Variants in LRRC3B observed in about 807,000 individuals in gnomAD.
The protein encoded by LRRC3B is leucine rich repeat containing 3B.
A neutral mutation model predicts 12.8 loss-of-function variants in LRRC3B; 2 were observed. The ratio of observed to expected loss-of-function variants is 0.16; its 90% CI spans 0.06 to 0.49. The LOEUF (loss-of-function observed/expected upper bound fraction) is 0.49. Ranked by LOEUF, LRRC3B falls within the 20% of genes least tolerant of loss-of-function variation. LRRC3B has a pLI of 0.96. For missense variants in LRRC3B, 189 were observed against 319.4 expected, an observed-to-expected ratio of 0.59 and a Z score of 3.11; for synonymous variants, 132 against 122.0, an observed-to-expected ratio of 1.08 and a Z score of -0.54.
intron 1 of LRRC3B, among the ~76,000 whole-genome samples, chr3:26,686,236 C>T (rs991447506): frequency 1.7e-4 from 26 of 152,170 alleles, no homozygotes; most frequent in Middle Eastern, 3.4e-3. Flanking sequence ...CCCGCCACCA[C>T]GCCCGGCTAA....
At chr3:26,672,863 C>T (rs977625230) in intron 1 of LRRC3B, among the ~76,000 whole-genome samples, 1 of 152,194 alleles carries the variant, frequency 6.6e-6, no homozygotes, top group Non-Finnish European at 1.5e-5. Flanking sequence ...TGTTTAAGAG[C>T]CACTTTTTTG....
rs140503723 is a variant in LRRC3B, at chr3:26,642,368, C to T, written c.-161+19131C>T. Among the ~76,000 whole-genome samples, 350 of 152,226 alleles carry T rather than the reference C, an allele frequency of 2.3e-3. 2 individuals are homozygous for T. The highest frequency in any genetic ancestry group is 6.8e-3 in the Middle Eastern group (2 of 294). The stretch of plus-strand genomic sequence containing the variant: ...ATGGCTCTACCAGCAAGTGGGGATA[C>T]CAGCAGACCTTGTAATAGCTTAGGG... On this transcript the variant is annotated intron_variant, in intron 1 of 1. Coordinates refer to ENST00000396641, the Ensembl canonical transcript of LRRC3B.
intron 1 of LRRC3B, among the ~76,000 whole-genome samples, chr3:26,699,416 A>C (rs141126851): frequency 9.9e-4 from 151 of 152,224 alleles, no homozygotes; most frequent in African/African-American, 3.4e-3. Context: ...AAGGGATGGA[A>C]GTATGTGTGT....
At chr3:26,689,219 A>G (rs1488581260) in intron 1 of LRRC3B, among the ~76,000 whole-genome samples, 2 of 152,204 alleles carry the variant, frequency 1.3e-5, no homozygotes, top group African/African-American at 4.8e-5. Flanking sequence ...AAATGCTGGT[A>G]CATTTAAAGT....
At chr3:26,649,327 G>T (rs189746641) in intron 1 of LRRC3B, among the ~76,000 whole-genome samples, 1 of 152,200 alleles carries the variant, frequency 6.6e-6, no homozygotes, top group East Asian at 1.9e-4. Flanking sequence ...CTACCATTGG[G>T]GTTCTAAGAT....
At chr3:26,691,722 T>A (rs772459137) in intron 1 of LRRC3B, among the ~76,000 whole-genome samples, 37 of 152,196 alleles carry the variant, frequency 2.4e-4, no homozygotes, top group Non-Finnish European at 2.1e-4. Flanking sequence ...GAGCACTCTC[T>A]TGATAGCCTA....
intron 1 of LRRC3B, chr3:26,624,629 C>A (rs9831279): frequency 6.5e-6 from 1 of 152,732 alleles, no homozygotes; most frequent in African/African-American, 2.4e-5. Flanking sequence ...TGTGCTGCGC[C>A]CGGGAGGCTG....
intron 1 of LRRC3B, among the ~76,000 whole-genome samples, chr3:26,681,225 C>T (rs1246873620): frequency 1.3e-5 from 2 of 152,134 alleles, no homozygotes. Context: ...TTTGGGATCA[C>T]ACTGAATTGT....
intron 1 of LRRC3B, among the ~76,000 whole-genome samples, chr3:26,660,239 T>C (rs1197755621): frequency 6.6e-6 from 1 of 152,148 alleles, no homozygotes; most frequent in East Asian, 1.9e-4. Flanking sequence ...AGTTGCCCCT[T>C]AATTACAGAT....
At chr3:26,662,866 A>G (rs1699522553) in intron 1 of LRRC3B, among the ~76,000 whole-genome samples, 1 of 151,940 alleles carries the variant, frequency 6.6e-6, no homozygotes, top group Non-Finnish European at 1.5e-5. Context: ...TGGTTTGTTT[A>G]TTTTCCTGTT....
intron 1 of LRRC3B, among the ~76,000 whole-genome samples, chr3:26,690,950 A>G (rs1700175779): frequency 6.6e-6 from 1 of 151,448 alleles, no homozygotes; most frequent in African/African-American, 2.4e-5. Context: ...TTGTTCTACA[A>G]ATATTAGTTG....
chr3:26,699,476 A>G (rs1328636941), intron 1 of LRRC3B, among the ~76,000 whole-genome samples: 2 of 152,118 alleles, frequency 1.3e-5, no homozygotes, highest in South Asian at 4.1e-4. Context: ...TTTTGAATCC[A>G]GTTTCTGAGT....
Position 26,675,200 on chromosome 3 carries a change from C to T in LRRC3B, c.-160-34313C>T, listed in dbSNP as rs952739464. ...TACAGGTAGGAGCTTTTGTCATTTTCGTAAAATAAAATGGATACATTCAGG... is the reference window on the plus strand; with the variant it reads ...TACAGGTAGGAGCTTTTGTCATTTTTGTAAAATAAAATGGATACATTCAGG... On this transcript the variant is annotated intron_variant, in intron 1 of 1. Transcript: ENST00000396641. 3.9e-5 allele frequency among the ~76,000 whole-genome samples: 6 copies of T among 152,106 alleles called. No homozygotes were observed. The East Asian group carries it at 7.7e-4, about 20-fold the overall frequency.
intron 1 of LRRC3B, among the ~76,000 whole-genome samples, chr3:26,684,337 G>T (rs1304112304): frequency 6.6e-6 from 1 of 152,204 alleles, no homozygotes; most frequent in Non-Finnish European, 1.5e-5. Context: ...AAATGGGCAA[G>T]TTGGTTGGAA....
intron 1 of LRRC3B, among the ~76,000 whole-genome samples, chr3:26,646,942 C>T (rs1271156624): frequency 6.6e-6 from 1 of 152,000 alleles, no homozygotes; most frequent in Non-Finnish European, 1.5e-5. Context: ...AATATGAGCC[C>T]CACATCTTCC....
chr3:26,702,453 C>T (rs758890701), intron 1 of LRRC3B, among the ~76,000 whole-genome samples: 54 of 151,374 alleles, frequency 3.6e-4, no homozygotes, highest in Admixed American at 7.3e-4. Context: ...GAAAGCTATT[C>T]TACAGTGTAG....
intron 1 of LRRC3B, among the ~76,000 whole-genome samples, chr3:26,686,185 T>C (rs1700085348): frequency 1.3e-5 from 2 of 152,066 alleles, no homozygotes; most frequent in Non-Finnish European, 2.9e-5. Flanking sequence ...GTTCACGCCA[T>C]TCTCCTGCCT....
At chr3:26,630,633 A>G (rs996397516) in intron 1 of LRRC3B, among the ~76,000 whole-genome samples, 1 of 152,286 alleles carries the variant, frequency 6.6e-6, no homozygotes, top group Middle Eastern at 3.4e-3. Context: ...TATGGCTACT[A>G]TTGAGGTTTA....
At chr3:26,630,432 G>T (rs552511453) in intron 1 of LRRC3B, among the ~76,000 whole-genome samples, 2 of 151,884 alleles carry the variant, frequency 1.3e-5, no homozygotes, top group African/African-American at 2.4e-5. Context: ...TCTGTTTATC[G>T]ACTTATAAAA....
Sources: gnomAD v4.1 joint callset for allele counts (sites outside exome capture counted in the v4.1 genomes callset) on GRCh38, gnomAD v4.1.1 for gene constraint, MANE v1.5 for transcripts, NCBI Gene and HGNC (gene_info 2026-07-23, HGNC 2026-07-21) for gene names.